The following TTLL5 variants were observed in gnomAD, a reference collection of about 807,000 sequenced individuals.
The protein encoded by TTLL5 is tubulin tyrosine ligase like 5.
In TTLL5, 132 loss-of-function variants were observed where a neutral mutation model predicts 168.4. The observed-to-expected ratio is 0.78, with a 90% CI of 0.68 to 0.91. TTLL5 has a LOEUF of 0.91. Ranked by LOEUF, TTLL5 falls within the 40% of genes least tolerant of loss-of-function variation. TTLL5 has a pLI of 0.00. For missense variants in TTLL5, 1,545 were observed against 1,581.5 expected, an observed-to-expected ratio of 0.98 and a Z score of 0.39; for synonymous variants, 546 against 558.6, an observed-to-expected ratio of 0.98 and a Z score of 0.32.
intron 6 of TTLL5, among the ~76,000 whole-genome samples, chr14:75,694,147 C>T (rs1885656716): frequency 6.6e-6 from 1 of 152,190 alleles, no homozygotes; most frequent in African/African-American, 2.4e-5. Flanking sequence ...GAGTCCTGAG[C>T]AAGACTGCCC....
chr14:75,863,543 A>T, intron 28 of TTLL5, 124 bp from the exon 29 acceptor site: 1 of 911,430 alleles, frequency 1.1e-6, no homozygotes, highest in Non-Finnish European at 1.6e-6. Flanking sequence ...TCACACAAGT[A>T]GATTTGTAAT....
rs144552610 is a variant in TTLL5 at position 75,673,931 on chromosome 14, T to G, written c.181+4409T>G. On this transcript the variant is annotated intron_variant, in intron 3 of 31. Coordinates refer to ENST00000298832, the MANE Select transcript of TTLL5 (RefSeq NM_015072.5). ...CTTGCTGAGAAACTCCCTCTAAATA[T>G]GATTTGAGCCAAAATGTTAAAGGTG... Among the ~76,000 whole-genome samples, 248 of 152,274 alleles carry G rather than the reference T, an allele frequency of 1.6e-3. 1 individual carries two copies. The highest frequency in any genetic ancestry group is 0.014 in the Middle Eastern group (4 of 294).
intron 30 of TTLL5, among the ~76,000 whole-genome samples, chr14:75,884,898 T>C (rs192576066): frequency 5.9e-4 from 89 of 149,690 alleles, no homozygotes; most frequent in African/African-American, 2.2e-3. Context: ...GGGCCAAGTG[T>C]GGTGGCTCAC....
At chr14:75,757,470 A>C (rs1035453660) in intron 18 of TTLL5, among the ~76,000 whole-genome samples, 2 of 152,302 alleles carry the variant, frequency 1.3e-5, no homozygotes, top group Admixed American at 1.3e-4. Flanking sequence ...AGGTCAAAAA[A>C]TTATTTTATC....
At chr14:75,688,737 G>T (rs527315726) in intron 5 of TTLL5, among the ~76,000 whole-genome samples, 9 of 152,272 alleles carry the variant, frequency 5.9e-5, no homozygotes, top group African/African-American at 1.9e-4. Context: ...TGCTTGCTTT[G>T]TGTGTGGGGA....
chr14:75,747,592 A>G (rs1889690861), intron 17 of TTLL5, among the ~76,000 whole-genome samples: 2 of 149,906 alleles, frequency 1.3e-5, no homozygotes, highest in Non-Finnish European at 3.0e-5. Context: ...TATCTTTTTC[A>G]GGCTTATTTT....
intron 10 of TTLL5, among the ~76,000 whole-genome samples, chr14:75,718,705 G>A (rs1050381733): frequency 1.3e-5 from 2 of 152,140 alleles, no homozygotes; most frequent in Non-Finnish European, 2.9e-5. Flanking sequence ...AAAGAAATGA[G>A]GCCATCTCAG....
At chr14:75,870,388 G>A (rs564010491) in intron 29 of TTLL5, among the ~76,000 whole-genome samples, 29 of 152,018 alleles carry the variant, frequency 1.9e-4, no homozygotes, top group African/African-American at 6.7e-4. Flanking sequence ...GATTACAGGC[G>A]TGAGCCACCA....
chr14:75,954,566 C>A lies in TTLL5; in HGVS notation c.*120C>A. ...TTTTTTTTTGCTGCCTCAAAGTCCC[C>A]AAAGCCTTCGAGCAGAAGTGGCAGT... On this transcript the variant is annotated 3_prime_UTR_variant, in exon 32 of 32. Coordinates refer to ENST00000298832, the MANE Select transcript of TTLL5 (RefSeq NM_015072.5). 8.7e-7 allele frequency: 1 copy of A among 1,142,928 alleles called. No homozygotes were observed. Among genetic ancestry groups the A allele is most frequent in the Non-Finnish European group, 1.3e-6 (1 of 778,720 alleles). The allele number at this position is 1,142,928 out of a possible 1,614,324, so 70.8% of individuals were successfully genotyped here. A position where few individuals can be genotyped will look rare whatever the true frequency, so the allele number is the denominator to read the frequency against.
intron 28 of TTLL5, among the ~76,000 whole-genome samples, chr14:75,830,046 G>T (rs1293649392): frequency 2.0e-5 from 3 of 152,216 alleles, no homozygotes; most frequent in Non-Finnish European, 4.4e-5. Context: ...GATATTGGCT[G>T]TATTGCTAAG....
At chr14:75,838,660 C>T (rs1332093109) in intron 28 of TTLL5, 3 of 152,310 alleles carry the variant, frequency 2.0e-5, no homozygotes, top group Admixed American at 2.0e-4. Flanking sequence ...GTGTAGCAGT[C>T]ATGAGTACCA....
intron 5 of TTLL5, chr14:75,684,285 G>GT (rs919534144): frequency 6.6e-6 from 1 of 152,078 alleles, no homozygotes; most frequent in Non-Finnish European, 1.5e-5. Flanking sequence ...CACAGTTACT[G>GT]TTTTTTCACT....
intron 17 of TTLL5, among the ~76,000 whole-genome samples, chr14:75,747,536 A>ATTTTTT (rs750667885): frequency 7.1e-6 from 1 of 140,714 alleles, no homozygotes; most frequent in Non-Finnish European, 1.6e-5. Context: ...ACCCTTTTGA[A>ATTTTTT]TTTTTTTTTT....
intron 29 of TTLL5, among the ~76,000 whole-genome samples, chr14:75,869,017 T>TGTGC (rs2030783761): frequency 1.1e-5 from 1 of 91,918 alleles, no homozygotes; most frequent in Non-Finnish European, 2.2e-5. Context: ...GGGAGGAGTG[T>TGTGC]GTGTGTGTGT....
chr14:75,765,810 C>T (rs778844104), intron 19 of TTLL5, among the ~76,000 whole-genome samples: 2 of 151,974 alleles, frequency 1.3e-5, no homozygotes, highest in East Asian at 1.9e-4. Flanking sequence ...TGTAATGAGC[C>T]GAGATCCTGC....
Position 75,882,680 on chromosome 14 carries a change from TG to T in TTLL5, c.3523-4del. On this transcript the variant is annotated splice_polypyrimidine_tract_variant and splice_region_variant and intron_variant, in intron 29 of 31. Coordinates refer to ENST00000298832, the MANE Select transcript of TTLL5 (RefSeq NM_015072.5). ...TCGATCATTTTTTTCCTTTTTTTTT[TG>T]TAGGCAATCTTTGGCAGCCAGACAC... The T allele has an allele frequency of 6.2e-7, 1 of 1,603,316 alleles. No homozygotes were observed.
At chr14:75,941,109 A>G (rs561498234) in intron 31 of TTLL5, among the ~76,000 whole-genome samples, 7 of 152,228 alleles carry the variant, frequency 4.6e-5, no homozygotes, top group Non-Finnish European at 7.3e-5. Flanking sequence ...CTGGGAGGCC[A>G]TGAGGGCTTG....
intron 30 of TTLL5, among the ~76,000 whole-genome samples, chr14:75,884,750 G>A (rs2032011210): frequency 6.6e-6 from 1 of 152,114 alleles, no homozygotes; most frequent in Admixed American, 6.5e-5. Flanking sequence ...CATGTGAAAT[G>A]TACAGCGTTT....
intron 27 of TTLL5, among the ~76,000 whole-genome samples, chr14:75,813,086 C>T (rs924842121): frequency 2.6e-5 from 4 of 152,092 alleles, no homozygotes; most frequent in African/African-American, 9.7e-5. Flanking sequence ...ATTATTTGTT[C>T]TTGAGCAAGT....
Sources: allele counts gnomAD v4.1 joint callset (sites outside exome capture counted in the v4.1 genomes callset), GRCh38; gene constraint gnomAD v4.1.1; transcripts MANE v1.5; gene names NCBI Gene and HGNC (gene_info 2026-07-23, HGNC 2026-07-21).